APAF1: variants seen among roughly 807,000 people sequenced by gnomAD.
APAF1 encodes the protein apoptotic peptidase activating factor 1, also known as apoptotic protease-activating factor 1.
Under a neutral mutation model 152.4 loss-of-function variants are expected in APAF1, and 91 were observed. The observed-to-expected ratio is 0.60, with a 90% confidence interval of 0.50 to 0.71. The LOEUF (loss-of-function observed/expected upper bound fraction) is 0.71. APAF1 is among the 30% of genes least tolerant of loss of function. The probability of loss-of-function intolerance (pLI) is 0.00; values close to 1 mark genes in which losing one functional copy is unlikely to be tolerated. For missense variants in APAF1, 1,283 were observed against 1,472.0 expected (o/e 0.87, Z 2.10); for synonymous variants, 484 against 494.1 (o/e 0.98, Z 0.27).
At chr12:98,719,839 A>G (rs1435028408) in intron 22 of APAF1, among the ~76,000 whole-genome samples, 1 of 151,968 alleles carries the variant, frequency 6.6e-6, no homozygotes, top group African/African-American at 2.4e-5. Flanking sequence ...GGAAATTATT[A>G]TATTCTTTTA....
At position 98,649,592 on chromosome 12, in the gene APAF1, G is replaced by T. The variant is rs985473565; in HGVS notation, c.434G>T (p.Gly145Val). Reference sequence around the variant, plus strand: ...CAGCAGAAGCTCTCCAAATTGAAAGGTGAACCAGGATGGGTCACCATACAT... The same window carrying T: ...CAGCAGAAGCTCTCCAAATTGAAAGTTGAACCAGGATGGGTCACCATACAT... ...AIQQKLSKLK[G>V]EPGWVTIHGM... is the part of the protein sequence containing the mutation. Residue 145 changes from glycine (G) to valine (V), a missense_variant, in exon 4 of 27, where the codon GGT becomes GTT. By Grantham distance (109) the Gly-to-Val change is moderately radical. Coordinates refer to ENST00000551964, the MANE Select transcript of APAF1 (RefSeq NM_181861.2). 16 of 1,614,098 alleles carry T rather than the reference G, an allele frequency of 9.9e-6. No individual in the cohort carries two copies. The Admixed American group carries it at 1.7e-4, about 17-fold the overall frequency.
intron 22 of APAF1, among the ~76,000 whole-genome samples, chr12:98,719,208 C>G (rs945307913): frequency 6.6e-6 from 1 of 152,158 alleles, no homozygotes; most frequent in African/African-American, 2.4e-5. Context: ...CACTGTGTGG[C>G]TATCTTAGGA....
At chr12:98,690,396 G>T (rs2097702907) in intron 16 of APAF1, among the ~76,000 whole-genome samples, 1 of 152,108 alleles carries the variant, frequency 6.6e-6, no homozygotes, top group South Asian at 2.1e-4. Flanking sequence ...TGTCATGGGA[G>T]GTTTTTCAGA....
rs964622388 is a variant in APAF1 at position 98,682,059 on chromosome 12, T to G, written c.2047-1084T>G. Among the ~76,000 whole-genome samples the G allele has an allele frequency of 1.1e-3, 165 of 149,404 alleles. 1 individual carries two copies. The highest frequency in any genetic ancestry group is 3.8e-3 in the South Asian group (18 of 4,748). ...ATGATGATTAATTTTTTTGTTTTTT[T>G]TTTTTTTTTTTTGAGACGGAGTCTC... On this transcript the variant is annotated intron_variant, in intron 14 of 26. Coordinates refer to ENST00000551964, the MANE Select transcript of APAF1 (RefSeq NM_181861.2).
intron 18 of APAF1, 73 bp from the exon 19 acceptor site, chr12:98,706,412 C>A (rs1414128228): frequency 1.3e-6 from 2 of 1,484,146 alleles, no homozygotes; most frequent in East Asian, 2.3e-5. Flanking sequence ...CTCATTCTTG[C>A]TATTTTCAAT....
chr12:98,696,304 AAG>A (rs2097709774), intron 16 of APAF1, among the ~76,000 whole-genome samples: 1 of 152,154 alleles, frequency 6.6e-6, no homozygotes, highest in Non-Finnish European at 1.5e-5. Flanking sequence ...ATCATATGAA[AAG>A]AGAGGATTGA....
intron 3 of APAF1, 148 bp from the exon 4 acceptor site, chr12:98,649,339 T>G: frequency 3.1e-6 from 4 of 1,296,524 alleles, no homozygotes; most frequent in Non-Finnish European, 4.2e-6. Flanking sequence ...AATCAGAAAA[T>G]TGAAGTTAAT....
chr12:98,653,958 A>T (rs1593020991), intron 4 of APAF1, among the ~76,000 whole-genome samples: 1 of 151,692 alleles, frequency 6.6e-6, no homozygotes. Flanking sequence ...TTGTGTTATT[A>T]GATTATTAAT....
At chr12:98,685,566 A>T (rs1206873390) in intron 15 of APAF1, among the ~76,000 whole-genome samples, 1 of 152,028 alleles carries the variant, frequency 6.6e-6, no homozygotes, top group Admixed American at 6.6e-5. Context: ...CAATCTCCTG[A>T]TCTTGTGATC....
intron 16 of APAF1, among the ~76,000 whole-genome samples, chr12:98,689,738 A>C (rs2097702219): frequency 6.6e-6 from 1 of 152,178 alleles, no homozygotes; most frequent in Non-Finnish European, 1.5e-5. Flanking sequence ...GATCACAGAC[A>C]TGAGCCACCA....
chr12:98,703,583 G>T (rs2097718130), intron 18 of APAF1, 84 bp downstream of exon 18: 1 of 1,542,062 alleles, frequency 6.5e-7, no homozygotes, highest in Non-Finnish European at 9.0e-7. Context: ...ACCATTAACT[G>T]CTGAGGAGCC....
At chr12:98,693,683 G>A (rs2888315) in intron 16 of APAF1, among the ~76,000 whole-genome samples, 12,792 of 152,054 alleles carry the variant, frequency 0.084, 722 homozygotes, top group East Asian at 0.25. Flanking sequence ...CATTCTGGTC[G>A]GTAATGGTAA....
At chr12:98,687,000 C>A in intron 16 of APAF1, 127 bp downstream of exon 16, 1 of 946,386 alleles carries the variant, frequency 1.1e-6, no homozygotes, top group Non-Finnish European at 1.6e-6. Flanking sequence ...TTTCCAGGAG[C>A]ATATTTAATG....
At chr12:98,701,920 T>A (rs947907909) in intron 17 of APAF1, among the ~76,000 whole-genome samples, 1 of 152,204 alleles carries the variant, frequency 6.6e-6, no homozygotes, top group South Asian at 2.1e-4. Flanking sequence ...TTTGCCAAGT[T>A]TCCTCGATCA....
At chr12:98,659,752 G>GAAA (rs34536171) in intron 5 of APAF1, among the ~76,000 whole-genome samples, 3,014 of 88,578 alleles carry the variant, frequency 0.034, 120 homozygotes, top group East Asian at 0.15. Flanking sequence ...AACTCCATCA[G>GAAA]AAAAAAAAAA....
At chr12:98,713,752 G>C (rs1593102043) in intron 21 of APAF1, among the ~76,000 whole-genome samples, 1 of 151,870 alleles carries the variant, frequency 6.6e-6, no homozygotes, top group East Asian at 1.9e-4. Context: ...ATTACTTATG[G>C]CACTGGCCAC....
chr12:98,680,767 C>G (rs1446232856), intron 14 of APAF1, among the ~76,000 whole-genome samples: 1 of 152,048 alleles, frequency 6.6e-6, no homozygotes, highest in South Asian at 2.1e-4. Context: ...TTGATCACCT[C>G]AGGATTAAAC....
At position 98,683,089 on chromosome 12, in the gene APAF1, G is replaced by C. The variant is rs567726135; in HGVS notation, c.2047-54G>C. The C allele has an allele frequency of 8.3e-6, 12 of 1,451,696 alleles. No individual in the cohort carries two copies. In the East Asian group the frequency reaches 1.9e-4, roughly 23 times the overall value. 89.9% of individuals were successfully genotyped at this position (1,451,696 alleles called of 1,614,324 possible). On this transcript the variant is annotated intron_variant, in intron 14 of 26. Coordinates refer to ENST00000551964, the MANE Select transcript of APAF1 (RefSeq NM_181861.2). ...GCAATGGACATTGCTTTGCCCCTCT[G>C]TTCTCCCTTTGAAAATAATGGATAT...
Position 98,699,523 on chromosome 12 carries a change from C to A in APAF1, c.2420C>A (p.Ser807Tyr). ...MEVIVKCCSWSADGARIMVAA... is the reference protein window; with the variant it reads ...MEVIVKCCSWYADGARIMVAA... The stretch of plus-strand genomic sequence containing the variant: ...GTGATAGTGAAGTGTTGTTCGTGGT[C>A]TGCTGATGGTGCAAGGATAATGGTG... The change falls in exon 17 of 27, where the codon TCT (serine) becomes TAT (tyrosine). Residue 807 changes from serine to tyrosine, a missense_variant. Ser to Tyr is a moderately radical substitution (Grantham distance 144). Transcript: ENST00000551964. 1 of 1,614,162 alleles carries A rather than the reference C, an allele frequency of 6.2e-7. No homozygotes were observed. Among genetic ancestry groups the A allele is most frequent in the Non-Finnish European group, 8.5e-7 (1 of 1,180,032 alleles).
Sources: allele counts gnomAD v4.1 joint callset (sites outside exome capture counted in the v4.1 genomes callset), GRCh38; gene constraint gnomAD v4.1.1; transcripts MANE v1.5; gene names NCBI Gene and HGNC (gene_info 2026-07-23, HGNC 2026-07-21).